Variants in SPOCK1 observed in about 807,000 individuals in gnomAD.
The protein encoded by SPOCK1 is SPARC (osteonectin), cwcv and kazal like domains proteoglycan 1.
A neutral mutation model predicts 55.3 loss-of-function variants in SPOCK1; 23 were observed. The observed-to-expected ratio is 0.42, with a 90% confidence interval of 0.30 to 0.59. The LOEUF (loss-of-function observed/expected upper bound fraction) is 0.59. Ranked by LOEUF, SPOCK1 falls within the 20% of genes least tolerant of loss-of-function variation. The pLI, the probability that SPOCK1 is intolerant of heterozygous loss-of-function variation, is 0.22. For missense variants in SPOCK1, 499 were observed against 552.5 expected, an observed-to-expected ratio of 0.90 and a Z score of 0.97; for synonymous variants, 226 against 221.0, an observed-to-expected ratio of 1.02 and a Z score of -0.20.
intron 2 of SPOCK1, among the ~76,000 whole-genome samples, chr5:137,468,367 T>A (rs1353964813): frequency 6.6e-6 from 1 of 152,234 alleles, no homozygotes; most frequent in Non-Finnish European, 1.5e-5. Flanking sequence ...AGAACTTTCC[T>A]GCAAGGCATT....
intron 6 of SPOCK1, among the ~76,000 whole-genome samples, chr5:137,006,940 G>A (rs898208261): frequency 2.6e-5 from 4 of 152,040 alleles, no homozygotes; most frequent in Non-Finnish European, 4.4e-5. Context: ...CCTTTTTGGC[G>A]TCTATTGAGA....
At chr5:137,067,474 C>A (rs1281397103) in intron 6 of SPOCK1, among the ~76,000 whole-genome samples, 1 of 152,152 alleles carries the variant, frequency 6.6e-6, no homozygotes, top group Non-Finnish European at 1.5e-5. Context: ...GCGAATATGA[C>A]CTCTAAAAGA....
intron 2 of SPOCK1, among the ~76,000 whole-genome samples, chr5:137,484,926 C>T (rs184851911): frequency 7.8e-4 from 119 of 152,110 alleles, no homozygotes; most frequent in African/African-American, 2.5e-3. Context: ...TGAAAAAAGA[C>T]GCGCCAAATC....
intron 2 of SPOCK1, among the ~76,000 whole-genome samples, chr5:137,363,895 G>A (rs941581311): frequency 6.6e-6 from 1 of 152,208 alleles, no homozygotes; most frequent in Non-Finnish European, 1.5e-5. Context: ...ACAAATCCAT[G>A]CTCAGAATGG....
chr5:137,157,410 G>C (rs908098369), intron 3 of SPOCK1, among the ~76,000 whole-genome samples: 42 of 152,160 alleles, frequency 2.8e-4, no homozygotes, highest in Non-Finnish European at 5.9e-4. Context: ...AATTAATTTA[G>C]CAATCCTCTG....
At chr5:137,010,580 G>C (rs1751331807) in intron 6 of SPOCK1, among the ~76,000 whole-genome samples, 1 of 152,030 alleles carries the variant, frequency 6.6e-6, no homozygotes, top group Non-Finnish European at 1.5e-5. Context: ...CCCTAAACAG[G>C]CTAGGGGGCT....
At chr5:137,409,377 G>A (rs1580909915) in intron 2 of SPOCK1, among the ~76,000 whole-genome samples, 1 of 152,198 alleles carries the variant, frequency 6.6e-6, no homozygotes, top group Non-Finnish European at 1.5e-5. Flanking sequence ...CAGGTGGAGA[G>A]GGAGGCTGCC....
intron 2 of SPOCK1, among the ~76,000 whole-genome samples, chr5:137,335,832 T>C (rs1750262009): frequency 6.6e-6 from 1 of 152,200 alleles, no homozygotes; most frequent in Non-Finnish European, 1.5e-5. Context: ...GTCAATCAAA[T>C]ACAGGTGACA....
intron 2 of SPOCK1, among the ~76,000 whole-genome samples, chr5:137,326,928 G>A (rs922874497): frequency 2.0e-5 from 3 of 152,102 alleles, no homozygotes; most frequent in Admixed American, 6.6e-5. Context: ...GATACATACT[G>A]TACTAAACCT....
intron 2 of SPOCK1, among the ~76,000 whole-genome samples, chr5:137,356,838 T>TATATAGAG (rs1554077335): frequency 9.2e-4 from 5 of 5,460 alleles, no homozygotes; most frequent in Non-Finnish European, 1.2e-3. Context: ...TATATATATA[T>TATATAGAG]AGAGAGAGAG....
intron 5 of SPOCK1, among the ~76,000 whole-genome samples, chr5:137,084,711 A>G (rs1216350135): frequency 6.6e-6 from 1 of 152,126 alleles, no homozygotes; most frequent in South Asian, 2.1e-4. Flanking sequence ...GCCTAAAAAA[A>G]CCCAAAAAAC....
At chr5:136,988,277 T>C (rs895931334) in intron 8 of SPOCK1, 145 bp downstream of exon 8, 4 of 639,986 alleles carry the variant, frequency 6.3e-6, no homozygotes, top group African/African-American at 5.4e-5. Flanking sequence ...CTGGAAGAAA[T>C]GAGACTTTGG....
intron 2 of SPOCK1, among the ~76,000 whole-genome samples, chr5:137,323,172 T>A (rs912161823): frequency 1.2e-4 from 19 of 152,212 alleles, no homozygotes; most frequent in African/African-American, 3.6e-4. Context: ...CAATAGTAAG[T>A]CCTTCCCTAT....
intron 5 of SPOCK1, among the ~76,000 whole-genome samples, 183 bp downstream of exon 5, chr5:137,112,252 A>G (rs1293872062): frequency 6.6e-6 from 1 of 152,168 alleles, no homozygotes; most frequent in Non-Finnish European, 1.5e-5. Context: ...CACAGGATAG[A>G]ATATTTTTAT....
At chr5:137,401,775 G>T (rs747897791) in intron 2 of SPOCK1, among the ~76,000 whole-genome samples, 1 of 151,906 alleles carries the variant, frequency 6.6e-6, no homozygotes, top group Non-Finnish European at 1.5e-5. Context: ...GAGGGTCAAA[G>T]AGGTTATATA....
At position 137,400,212 on chromosome 5, in the gene SPOCK1, G is replaced by C. The variant is rs954325788; in HGVS notation, c.186+98161C>G. Among the ~76,000 whole-genome samples the C allele has an allele frequency of 2.6e-5, 4 of 152,184 alleles. 1 individual carries two copies. The highest frequency in any genetic ancestry group is 5.9e-5 in the Non-Finnish European group (4 of 68,034). The stretch of plus-strand genomic sequence containing the variant: ...CAGCTCGAGTGATCACCAGACCATA[G>C]TGTGGAAGAGGACAGTATTCCAAGT... On this transcript the variant is annotated intron_variant, in intron 2 of 10. Coordinates refer to ENST00000394945, the MANE Select transcript of SPOCK1 (RefSeq NM_004598.4).
chr5:137,391,680 T>C (rs182356944), intron 2 of SPOCK1, among the ~76,000 whole-genome samples: 1 of 152,142 alleles, frequency 6.6e-6, no homozygotes, highest in East Asian at 1.9e-4. Flanking sequence ...CTCCCCTCCA[T>C]GGTCAATTCC....
intron 2 of SPOCK1, among the ~76,000 whole-genome samples, chr5:137,390,808 A>G (rs1751703066): frequency 6.6e-6 from 1 of 152,218 alleles, no homozygotes; most frequent in Non-Finnish European, 1.5e-5. Flanking sequence ...CAACTGTCTG[A>G]ACCAAGGCCT....
chr5:137,358,732 T>C (rs1750878798), intron 2 of SPOCK1, among the ~76,000 whole-genome samples: 1 of 152,232 alleles, frequency 6.6e-6, no homozygotes, highest in Non-Finnish European at 1.5e-5. Context: ...AGACATTTTC[T>C]GTTGGTTTTT....
Sources: gnomAD v4.1 joint callset for allele counts (sites outside exome capture counted in the v4.1 genomes callset) on GRCh38, gnomAD v4.1.1 for gene constraint, MANE v1.5 for transcripts, NCBI Gene and HGNC (gene_info 2026-07-23, HGNC 2026-07-21) for gene names.